Variants in RTN4 observed in about 807,000 individuals in gnomAD.
RTN4 encodes reticulon 4.
Under a neutral mutation model 90.4 loss-of-function variants are expected in RTN4, and 32 were observed. That is an observed-to-expected ratio of 0.35 (90% CI 0.27 to 0.48). The LOEUF (loss-of-function observed/expected upper bound fraction) is 0.48. RTN4 is among the 20% of genes least tolerant of loss of function. The pLI is 0.99. For synonymous variants in RTN4, 629 were observed against 552.5 expected (o/e 1.14, Z -1.94); for missense variants, 1,706 against 1,430.2 (o/e 1.19, Z -3.11).
At chr2:55,129,125 A>G in the RTN4 span, among the ~76,000 whole-genome samples, 40 of 150,980 alleles carry the variant, frequency 2.6e-4, no homozygotes, top group African/African-American at 8.2e-4. Flanking sequence ...AAAAAAAGAA[A>G]AAAAAAAGAA....
chr2:55,103,797 C>A (rs1210800358), intron 1 of RTN4, among the ~76,000 whole-genome samples: 1 of 151,632 alleles, frequency 6.6e-6, no homozygotes, highest in African/African-American at 2.4e-5. Context: ...CGGGTTCAAA[C>A]GATTCTCCTG....
In RTN4 at chr2:55,050,124, G is replaced by A. The variant is rs771569114; in HGVS notation, c.177C>T (p.Pro59=). ...LEELEVLERK[P]AAGLSAAPVP... ...CTGGGGCCGCGGACAGCCCGGCGGC[G>A]GGCTTCCTCTCCAGCACCTCCAGCT... The change falls in exon 1 of 9, where the codon CCC becomes CCT. Residue 59 remains proline (P), a synonymous_variant. Transcript: ENST00000337526. This position sits in a 1 kb window ranked among gnomAD's most constrained non-coding sequence, Gnocchi z 4.6. 26 of 1,513,582 alleles carry A rather than the reference G, an allele frequency of 1.7e-5. No homozygotes were observed. The highest frequency in any genetic ancestry group is 1.8e-4 in the Middle Eastern group (1 of 5,612). The allele number at this position is 1,513,582 out of a possible 1,614,324, so 93.8% of individuals were successfully genotyped here. A position where few individuals can be genotyped will look rare whatever the true frequency, so the allele number is the denominator to read the frequency against.
chr2:55,057,549 C>T (rs1163069440), intron 2 of RTN4, among the ~76,000 whole-genome samples: 1 of 152,060 alleles, frequency 6.6e-6, no homozygotes, highest in Non-Finnish European at 1.5e-5. Context: ...TAAGGTGAAG[C>T]CATGTTCTAA....
At chr2:55,077,993 G>T (rs767421471) in intron 2 of RTN4, among the ~76,000 whole-genome samples, 1 of 151,498 alleles carries the variant, frequency 6.6e-6, no homozygotes, top group South Asian at 2.1e-4. Context: ...TACCATGGAC[G>T]TTTGGGGACT....
At chr2:55,122,047 G>A in the RTN4 span, among the ~76,000 whole-genome samples, 92 of 151,894 alleles carry the variant, frequency 6.1e-4, no homozygotes, top group African/African-American at 2.0e-3. Context: ...GCCCAGGCTG[G>A]AGTGCAGTGG....
At chr2:55,118,470 A>T in the RTN4 span, among the ~76,000 whole-genome samples, 1 of 151,914 alleles carries the variant, frequency 6.6e-6, no homozygotes, top group African/African-American at 2.4e-5. Flanking sequence ...GTCTCAAAAA[A>T]AAAAGACACC....
chr2:55,025,833 C>T lies in RTN4; in HGVS notation c.2266G>A (p.Val756Ile), dbSNP rs765590622. ...DLFSDDSIPDVPQKQDETVML... is the reference protein window; with the variant it reads ...DLFSDDSIPDIPQKQDETVML... ...ACAGTTTCATCTTGTTTTTGTGGAA[C>T]GTCAGGTATTGAATCATCACTAAAT... The change falls in exon 3 of 9, where the codon GTT becomes ATT. Residue 756 changes from valine (V) to isoleucine (I), a missense_variant. By Grantham distance (29) the Val-to-Ile change is conservative (BLOSUM62 3). Coordinates refer to ENST00000337526, the MANE Select transcript of RTN4 (RefSeq NM_020532.5). The T allele has an allele frequency of 3.7e-6, 6 of 1,613,606 alleles. No individual in the cohort carries two copies. Among genetic ancestry groups the T allele is most frequent in the South Asian group, 1.1e-5 (1 of 91,054 alleles).
At chr2:55,132,680 T>A in the RTN4 span, among the ~76,000 whole-genome samples, 8 of 151,116 alleles carry the variant, frequency 5.3e-5, no homozygotes, top group Non-Finnish European at 1.2e-4. Context: ...GGCATGATGG[T>A]GCATGTGCCT....
chr2:55,052,094 T>G (rs1447955014), upstream of RTN4, among the ~76,000 whole-genome samples: 1 of 152,164 alleles, frequency 6.6e-6, no homozygotes, highest in Non-Finnish European at 1.5e-5. Flanking sequence ...CAGAAGATTT[T>G]GGGGGCAGTG....
the RTN4 span, among the ~76,000 whole-genome samples, chr2:55,136,137 C>T: frequency 6.6e-6 from 1 of 152,182 alleles, no homozygotes; most frequent in East Asian, 1.9e-4. Flanking sequence ...TGATCAGCCG[C>T]TTCCTGATAA....
intron 1 of RTN4, among the ~76,000 whole-genome samples, chr2:55,038,017 A>G (rs62134852): frequency 4.5e-4 from 69 of 152,304 alleles, no homozygotes; most frequent in Admixed American, 1.6e-3. Context: ...CACCAAAGCA[A>G]TTCAATAGAA....
intron 3 of RTN4, among the ~76,000 whole-genome samples, chr2:55,001,288 G>A (rs952017495): frequency 1.2e-4 from 19 of 152,020 alleles, no homozygotes; most frequent in African/African-American, 4.1e-4. Flanking sequence ...TGTAAACACC[G>A]AGTGTGTTTT....
chr2:54,975,347 C>T (rs995252147), intron 5 of RTN4, among the ~76,000 whole-genome samples: 2 of 152,164 alleles, frequency 1.3e-5, no homozygotes, highest in African/African-American at 4.8e-5. Context: ...TCAAGGCCTT[C>T]ATGTGTATGT....
Position 55,025,497 on chromosome 2 carries a change from T to C in RTN4, c.2602A>G (p.Ile868Val), listed in dbSNP as rs757479536. 8 of 1,613,460 alleles carry C rather than the reference T, an allele frequency of 5.0e-6. No homozygotes were observed. The highest frequency in any genetic ancestry group is 4.5e-5 in the East Asian group (2 of 44,874). Residue 868 changes from isoleucine (I) to valine (V), a missense_variant, in exon 3 of 9, where the codon ATA becomes GTA. Coordinates refer to ENST00000337526, the MANE Select transcript of RTN4 (RefSeq NM_020532.5). ...TFSDSSPIEIIDEFPTLISSK... is the reference protein window; with the variant it reads ...TFSDSSPIEIVDEFPTLISSK... ...CTGATCAATGTAGGGAACTCATCTA[T>C]AATTTCAATTGGAGATGAATCTGAA...
rs530921271 is a variant in RTN4 at position 54,972,795 on chromosome 2, CTTTT to C, written c.*357_*360del. ...TACACAGTGCACAAACTGAAAAGGG[CTTTT>C]TTTTTTTTTTTTCTAGCTCCACCAT... On this transcript the variant is annotated 3_prime_UTR_variant, in exon 9 of 9. Coordinates refer to ENST00000337526, the MANE Select transcript of RTN4 (RefSeq NM_020532.5). 4.0e-5 allele frequency: 6 copies of C among 150,024 alleles called. No individual in the cohort carries two copies. Among genetic ancestry groups the C allele is most frequent in the East Asian group, 1.7e-4 (1 of 5,852 alleles). 9.3% of individuals were successfully genotyped at this position (150,024 alleles called of 1,614,324 possible). A position where few individuals can be genotyped will look rare whatever the true frequency, so the allele number is the denominator to read the frequency against.
intron 1 of RTN4, among the ~76,000 whole-genome samples, chr2:55,044,296 T>C (rs1329086123): frequency 6.6e-6 from 1 of 152,024 alleles, no homozygotes; most frequent in Non-Finnish European, 1.5e-5. Context: ...GGGGCTGAAG[T>C]GGGAGGACTG....
chr2:55,115,358 G>A (rs562185747), upstream of RTN4, among the ~76,000 whole-genome samples: 18 of 152,254 alleles, frequency 1.2e-4, no homozygotes, highest in African/African-American at 3.4e-4. Flanking sequence ...GCAATAGCTG[G>A]TTGAGTCTTT....
intron 4 of RTN4, among the ~76,000 whole-genome samples, chr2:54,984,903 C>T (rs552584584): frequency 6.6e-6 from 1 of 152,118 alleles, no homozygotes. Context: ...TCCAGGAGTT[C>T]GAGACTAGCC....
Position 55,050,074 on chromosome 2 carries a change from G to C in RTN4, c.227C>G (p.Ala76Gly). ...GTCATTTCCGAAGTCCATCAGGGGC[G>C]CGCCGGCGGCAGGGGCGGTGGGCAC... is the stretch of plus-strand genomic sequence containing the variant. ...APVPTAPAAG[A>G]PLMDFGNDFV... Residue 76 changes from alanine (A) to glycine (G), a missense_variant, in exon 1 of 9, where the codon GCG becomes GGG. Ala to Gly is a moderately conservative substitution (Grantham distance 60, BLOSUM62 0). Coordinates refer to ENST00000337526, the MANE Select transcript of RTN4 (RefSeq NM_020532.5). This position sits in a 1 kb window ranked among gnomAD's most constrained non-coding sequence, Gnocchi z 4.6. 2.1e-6 allele frequency: 3 copies of C among 1,450,470 alleles called. No homozygotes were observed. In the East Asian group the frequency reaches 8.3e-5, roughly 40 times the overall value. The allele number at this position is 1,450,470 out of a possible 1,614,324, so 89.8% of individuals were successfully genotyped here.
Sources: gnomAD v4.1 joint callset for allele counts (sites outside exome capture counted in the v4.1 genomes callset) on GRCh38, gnomAD v4.1.1 for gene constraint, Gnocchi (gnomAD v3.1) non-coding constraint, MANE v1.5 for transcripts, NCBI Gene and HGNC (gene_info 2026-07-23, HGNC 2026-07-21) for gene names.